RREB1: variants seen among roughly 807,000 people sequenced by gnomAD.
RREB1 encodes the protein ras-responsive element-binding protein 1.
Under a neutral mutation model 117.8 loss-of-function variants are expected in RREB1, and 27 were observed. The ratio of observed to expected loss-of-function variants is 0.23; its 90% CI spans 0.17 to 0.32. The LOEUF is 0.32. Ranked by LOEUF, RREB1 falls within the 10% of genes least tolerant of loss-of-function variation. The pLI is 1.00. For synonymous variants in RREB1, 1,298 were observed against 1,026.7 expected, an observed-to-expected ratio of 1.26 and a Z score of -5.05; for missense variants, 2,577 against 2,378.2, an observed-to-expected ratio of 1.08 and a Z score of -1.74.
rs766192903 is a variant in RREB1 at position 7,226,648 on chromosome 6, A to G, written c.889A>G (p.Ile297Val). The G allele has an allele frequency of 3.7e-6, 6 of 1,613,636 alleles. No individual in the cohort carries two copies. Among genetic ancestry groups the G allele is most frequent in the East Asian group, 2.2e-5 (1 of 44,854 alleles). The change falls in exon 9 of 13, where the codon ATT becomes GTT. Residue 297 changes from isoleucine (I) to valine (V), a missense_variant. Coordinates refer to ENST00000379938, the MANE Select transcript of RREB1 (RefSeq NM_001003699.4). ...CTTCTCCTGTAGGAAGTTTCCTCGC[A>G]TTTCTCAGGTATTCTGATCAGCCCA... is the stretch of plus-strand genomic sequence containing the variant. ...TDFSCRKFPR[I>V]SQAWCETNLR... is the part of the protein sequence containing the mutation.
intron 1 of RREB1, among the ~76,000 whole-genome samples, chr6:7,133,740 G>C (rs1047659071): frequency 2.0e-5 from 3 of 152,048 alleles, no homozygotes; most frequent in Non-Finnish European, 2.9e-5. Context: ...AATTATAAAT[G>C]AACCCAAAGG....
At position 7,229,042 on chromosome 6, in the gene RREB1, C is replaced by G. The variant is rs140206154; in HGVS notation, c.943C>G (p.Arg315Gly). 4.3e-5 allele frequency: 67 copies of G among 1,554,540 alleles called. No homozygotes were observed. The African/African-American group carries it at 8.5e-4, about 20-fold the overall frequency. Residue 315 changes from arginine to glycine, a missense_variant, in exon 10 of 13, where the codon CGT (arginine) becomes GGT (glycine). Arg to Gly is a moderately radical substitution (Grantham distance 125). Coordinates refer to ENST00000379938, the MANE Select transcript of RREB1 (RefSeq NM_001003699.4). The surrounding 1 kb of genome is among the most constrained non-coding windows in gnomAD (Gnocchi z 4.5). ...GCGGAGGTGCATCAGCGAGCAACAC[C>G]GTTTTGTCTGCGACACCTGTGACAA... ...NLRRCISEQH[R>G]FVCDTCDKAF...
At position 7,229,395 on chromosome 6, in the gene RREB1, C is replaced by G; in HGVS notation, c.1296C>G (p.Asp432Glu). 6.2e-7 allele frequency: 1 copy of G among 1,614,134 alleles called. No individual in the cohort carries two copies. Among genetic ancestry groups the G allele is most frequent in the Non-Finnish European group, 8.5e-7 (1 of 1,179,966 alleles). The change falls in exon 10 of 13, where the codon GAC becomes GAG. Residue 432 changes from aspartate to glutamate, a missense_variant. By Grantham distance (45) the Asp-to-Glu change is conservative. Coordinates refer to ENST00000379938, the MANE Select transcript of RREB1 (RefSeq NM_001003699.4). The surrounding 1 kb of genome is among the most constrained non-coding windows in gnomAD (Gnocchi z 4.5). ...GSLTVLPATK[D>E]SIKHLSLQPF... ...TCACAGTTCTCCCCGCGACCAAGGA[C>G]AGCATAAAGCACCTGTCCCTGCAGC...
chr6:7,211,625 T>G lies in RREB1; in HGVS notation c.623T>G (p.Phe208Cys). ...GDLEKKADEV[F>C]HCPVCFKEFV... ...TTGGAGAAGAAAGCTGATGAAGTCT[T>G]TCACTGCCCAGTATGTTTCAAGGAG... Residue 208 changes from phenylalanine to cysteine, a missense_variant, in exon 8 of 13, where the codon TTT (phenylalanine) becomes TGT (cysteine). Coordinates refer to ENST00000379938, the MANE Select transcript of RREB1 (RefSeq NM_001003699.4). 5 of 1,614,024 alleles carry G rather than the reference T, an allele frequency of 3.1e-6. No homozygotes were observed. The highest frequency in any genetic ancestry group is 2.5e-6 in the Non-Finnish European group (3 of 1,179,890).
In RREB1 at chr6:7,231,463, A is replaced by T. The variant is rs1767971557; in HGVS notation, c.3364A>T (p.Ser1122Cys). ...CACCGCCACCCCCGCTGCCACCACC[A>T]GCCCAAAAGAGTCTAGTGAGCCTCC... The part of the protein sequence containing the change: ...ATTATPAATT[S>C]PKESSEPPAP... Residue 1122 changes from serine to cysteine, a missense_variant, in exon 10 of 13, where the codon AGC (serine) becomes TGC (cysteine). Ser to Cys is a moderately radical substitution (Grantham distance 112). Transcript: ENST00000379938. 1.2e-6 allele frequency: 2 copies of T among 1,613,116 alleles called. No homozygotes were observed. Among genetic ancestry groups the T allele is most frequent in the Non-Finnish European group, 1.7e-6 (2 of 1,179,748 alleles).
chr6:7,228,951 A>C, intron 9 of RREB1, 46 bp from the exon 10 acceptor site: 1 of 1,439,904 alleles, frequency 6.9e-7, no homozygotes, highest in Non-Finnish European at 9.2e-7. Context: ...TTATTTTTTC[A>C]ATCTTCACAT....
chr6:7,149,656 A>G (rs1006866566), intron 1 of RREB1, among the ~76,000 whole-genome samples: 8 of 152,156 alleles, frequency 5.3e-5, no homozygotes, highest in Admixed American at 2.0e-4. Context: ...AATAATAGGT[A>G]TTTACTCAGC....
intron 1 of RREB1, among the ~76,000 whole-genome samples, chr6:7,130,643 G>A (rs1357913242): frequency 6.6e-6 from 1 of 150,600 alleles, no homozygotes; most frequent in Non-Finnish European, 1.5e-5. Context: ...TCGAGATGGA[G>A]TCTTGCTCTG....
rs114103178 is a variant in RREB1, at chr6:7,230,496, C to T, written c.2397C>T (p.Phe799=). The change falls in exon 10 of 13, where the codon TTC becomes TTT. Residue 799 remains phenylalanine (F), a synonymous_variant. Transcript: ENST00000379938. Reference sequence around the variant, plus strand: ...AGTGCAAGGAGTGCAGCGCCGCGTTCGCGGCCAAGCGCAACTGCATCCACC... The same window carrying T: ...AGTGCAAGGAGTGCAGCGCCGCGTTTGCGGCCAAGCGCAACTGCATCCACC... ...PFECKECSAA[F]AAKRNCIHHI... 1,988 of 1,592,542 alleles carry T rather than the reference C, an allele frequency of 1.2e-3. 6 individuals carry two copies. The highest frequency in any genetic ancestry group is 0.01 in the African/African-American group (756 of 74,926).
At chr6:7,188,243 G>GTGTGTGTGTT in intron 5 of RREB1, among the ~76,000 whole-genome samples, 1 of 151,410 alleles carries the variant, frequency 6.6e-6, no homozygotes, top group Non-Finnish European at 1.5e-5. Context: ...GTGTGTGTGT[G>GTGTGTGTGTT]TGTGTGTGTG....
chr6:7,138,054 T>G (rs1356035607), intron 1 of RREB1, among the ~76,000 whole-genome samples: 1 of 152,210 alleles, frequency 6.6e-6, no homozygotes, highest in Non-Finnish European at 1.5e-5. Context: ...TTAATTAGAC[T>G]TTTACACCTC....
chr6:7,112,810 CTG>C (rs1761207981), intron 1 of RREB1, among the ~76,000 whole-genome samples: 1 of 140,556 alleles, frequency 7.1e-6, no homozygotes, highest in African/African-American at 2.5e-5. Flanking sequence ...ATGTCATCGA[CTG>C]TGCTCCGCCC....
intron 8 of RREB1, chr6:7,215,445 C>T (rs574390891): frequency 1.3e-5 from 2 of 152,292 alleles, no homozygotes; most frequent in African/African-American, 4.8e-5. Context: ...TTAAGTGACC[C>T]TTCCACCTCA....
At chr6:7,156,844 TAGG>T (rs1450695653) in intron 1 of RREB1, among the ~76,000 whole-genome samples, 1 of 152,042 alleles carries the variant, frequency 6.6e-6, no homozygotes, top group Non-Finnish European at 1.5e-5. Context: ...GTACCCTGAG[TAGG>T]AGGAGAGGGT....
chr6:7,185,774 G>A (rs972819243), intron 4 of RREB1, among the ~76,000 whole-genome samples: 1 of 152,014 alleles, frequency 6.6e-6, no homozygotes, highest in African/African-American at 2.4e-5. Context: ...TTTCCTTTCC[G>A]TGCCTTGGGG....
At chr6:7,129,506 T>A (rs1195201982) in intron 1 of RREB1, among the ~76,000 whole-genome samples, 1 of 152,210 alleles carries the variant, frequency 6.6e-6, no homozygotes, top group Non-Finnish European at 1.5e-5. Flanking sequence ...TGTTTGCTTT[T>A]TGGCCTGAGG....
In RREB1 at chr6:7,109,403, G is replaced by A. The variant is rs1013061903; in HGVS notation, c.-285+1343G>A. Among the ~76,000 whole-genome samples the A allele has an allele frequency of 2.4e-4, 37 of 152,164 alleles. 2 individuals are homozygous for A. The East Asian group carries it at 7.0e-3, about 29-fold the overall frequency. ...GCCGACCCCCTCCCTGGGAAGCGGCGTGTTTTCTGGACCGGGCCAAGGGCG... is the reference window on the plus strand; with the variant it reads ...GCCGACCCCCTCCCTGGGAAGCGGCATGTTTTCTGGACCGGGCCAAGGGCG... On this transcript the variant is annotated intron_variant, in intron 1 of 12. Coordinates refer to ENST00000379938, the MANE Select transcript of RREB1 (RefSeq NM_001003699.4).
rs1390374466 is a variant in RREB1 at position 7,248,496 on chromosome 6, C to G, written c.4772-15C>G. Reference sequence around the variant, plus strand: ...GCCTTTTGGTTAATGGAAATTCTTTCTTCCATTGTTCCAGGGGAAAGGCCA... The same window carrying G: ...GCCTTTTGGTTAATGGAAATTCTTTGTTCCATTGTTCCAGGGGAAAGGCCA... On this transcript the variant is annotated splice_polypyrimidine_tract_variant and intron_variant, in intron 12 of 12. Transcript: ENST00000379938. 1 of 1,608,948 alleles carries G rather than the reference C, an allele frequency of 6.2e-7. No individual in the cohort carries two copies. The highest frequency in any genetic ancestry group is 1.1e-5 in the South Asian group (1 of 90,914).
In RREB1 at chr6:7,231,357, G is replaced by A. The variant is rs1385500152; in HGVS notation, c.3258G>A (p.Val1086=). The change falls in exon 10 of 13, where the codon GTG becomes GTA. Residue 1086 remains valine, a synonymous_variant. Transcript: ENST00000379938. ...SSAPTLLKTK[V]ADPGPASTGS... ...CCCCCACCCTGCTGAAAACCAAGGT[G>A]GCGGACCCAGGGCCCGCAAGCACTG... 1.2e-6 allele frequency: 2 copies of A among 1,612,914 alleles called. No homozygotes were observed. The highest frequency in any genetic ancestry group is 2.2e-5 in the East Asian group (1 of 44,850).
Sources: gnomAD v4.1 joint callset for allele counts (sites outside exome capture counted in the v4.1 genomes callset) on GRCh38, gnomAD v4.1.1 for gene constraint, Gnocchi (gnomAD v3.1) non-coding constraint, MANE v1.5 for transcripts, NCBI Gene and HGNC (gene_info 2026-07-23, HGNC 2026-07-21) for gene names.